ATXN7L1: variants seen among roughly 807,000 people sequenced by gnomAD.
ATXN7L1 encodes the protein ataxin-7-like protein 1.
A neutral mutation model predicts 70.8 loss-of-function variants in ATXN7L1; 15 were observed. That is an observed-to-expected ratio of 0.21 (90% confidence interval 0.14 to 0.33). The LOEUF is 0.33. Among genes scored for constraint, ATXN7L1 ranks in the 10% least tolerant of loss-of-function variants. The pLI is 1.00. For synonymous variants in ATXN7L1, 440 were observed against 445.1 expected (o/e 0.99, Z 0.14); for missense variants, 975 against 1,097.1 (o/e 0.89, Z 1.57).
chr7:105,828,783 A>G (rs1030099376), intron 2 of ATXN7L1, among the ~76,000 whole-genome samples: 1 of 152,158 alleles, frequency 6.6e-6, no homozygotes, highest in African/African-American at 2.4e-5. Context: ...CTGGTGGGAG[A>G]AAAAGTACAG....
At chr7:105,833,358 G>A (rs1370656570) in intron 2 of ATXN7L1, among the ~76,000 whole-genome samples, 1 of 152,122 alleles carries the variant, frequency 6.6e-6, no homozygotes, top group Non-Finnish European at 1.5e-5. Context: ...GAATTCTGCA[G>A]TCCTGTTAAC....
At chr7:105,630,339 A>G (rs944319054) in intron 7 of ATXN7L1, among the ~76,000 whole-genome samples, 1 of 152,256 alleles carries the variant, frequency 6.6e-6, no homozygotes, top group Non-Finnish European at 1.5e-5. Context: ...TGAGATCAGC[A>G]GAAATGTGGT....
chr7:105,617,931 C>T (rs761717890), intron 9 of ATXN7L1: 7 of 456,698 alleles, frequency 1.5e-5, no homozygotes, highest in Non-Finnish European at 2.6e-5. Flanking sequence ...GGTTCGGGCC[C>T]GCCGGGGCCT....
chr7:105,731,682 G>T (rs894111444), intron 3 of ATXN7L1, among the ~76,000 whole-genome samples: 1 of 149,098 alleles, frequency 6.7e-6, no homozygotes, highest in Non-Finnish European at 1.5e-5. Flanking sequence ...TGATCTGCCC[G>T]CCTCCACCTC....
At chr7:105,773,862 G>A (rs1338677564) in intron 3 of ATXN7L1, among the ~76,000 whole-genome samples, 2 of 152,278 alleles carry the variant, frequency 1.3e-5, no homozygotes, top group African/African-American at 2.4e-5. Context: ...GACAAGTGAG[G>A]GTCGGGGAGA....
At chr7:105,683,074 T>A (rs961581642) in intron 3 of ATXN7L1, among the ~76,000 whole-genome samples, 4 of 152,226 alleles carry the variant, frequency 2.6e-5, no homozygotes, top group Non-Finnish European at 5.9e-5. Context: ...AGGTAATTTT[T>A]AAGTTAAAGT....
intron 2 of ATXN7L1, among the ~76,000 whole-genome samples, chr7:105,830,093 A>C (rs779492496): frequency 6.6e-6 from 1 of 152,192 alleles, no homozygotes; most frequent in Non-Finnish European, 1.5e-5. Context: ...GATGAGGACA[A>C]GAAGGCCCTG....
chr7:105,799,222 GGAC>G (rs1806441611), intron 2 of ATXN7L1, among the ~76,000 whole-genome samples: 2 of 152,154 alleles, frequency 1.3e-5, no homozygotes, highest in Non-Finnish European at 2.9e-5. Context: ...TTTGCCAGTG[GGAC>G]TGCATCGCAG....
In ATXN7L1 at chr7:105,614,333, C is replaced by A; in HGVS notation, c.2001G>T (p.Ser667=). Residue 667 remains serine, a synonymous_variant, in exon 10 of 12, where the codon TCG becomes TCT. Transcript: ENST00000419735. The surrounding 1 kb of genome is among the most constrained non-coding windows in gnomAD (Gnocchi z 4.3). ...SSSSSLQTSL[S]SPLSGPHKKN... is the part of the protein sequence containing the mutation. ...TTTTGTGAGGCCCTGACAGTGGAGA[C>A]GAGAGGGATGTCTGCAAGGAAGAGG... 6.4e-7 allele frequency: 1 copy of A among 1,552,124 alleles called. No homozygotes were observed. The highest frequency in any genetic ancestry group is 8.7e-7 in the Non-Finnish European group (1 of 1,147,120).
intron 3 of ATXN7L1, among the ~76,000 whole-genome samples, chr7:105,712,455 C>G (rs753620819): frequency 3.3e-5 from 5 of 152,198 alleles, no homozygotes; most frequent in Non-Finnish European, 7.3e-5. Context: ...AATACAAGTT[C>G]CAGTTTCAGA....
intron 3 of ATXN7L1, among the ~76,000 whole-genome samples, chr7:105,772,225 C>A (rs1257052301): frequency 6.6e-6 from 1 of 151,974 alleles, no homozygotes; most frequent in Non-Finnish European, 1.5e-5. Flanking sequence ...AGGCACATGC[C>A]ACCACACCTG....
intron 3 of ATXN7L1, among the ~76,000 whole-genome samples, chr7:105,676,589 C>T (rs1053171004): frequency 1.8e-4 from 27 of 152,118 alleles, no homozygotes; most frequent in African/African-American, 5.6e-4. Flanking sequence ...CCTGTAATCC[C>T]GGCACTTTGG....
At chr7:105,831,000 G>A (rs1811525150) in intron 2 of ATXN7L1, among the ~76,000 whole-genome samples, 1 of 152,222 alleles carries the variant, frequency 6.6e-6, no homozygotes, top group South Asian at 2.1e-4. Context: ...CATTCTGGGG[G>A]CATCTGCCCC....
At chr7:105,646,401 T>C (rs927411602) in intron 4 of ATXN7L1, among the ~76,000 whole-genome samples, 10 of 152,098 alleles carry the variant, frequency 6.6e-5, no homozygotes, top group Non-Finnish European at 1.5e-4. Flanking sequence ...GTGAGAGGAT[T>C]GCTTGAGGCC....
At chr7:105,790,638 CTATCT>C (rs1369692832) in intron 2 of ATXN7L1, among the ~76,000 whole-genome samples, 23 of 150,866 alleles carry the variant, frequency 1.5e-4, no homozygotes, top group African/African-American at 5.4e-4. Context: ...ATCTATCTAT[CTATCT>C]ATCTATCTAT....
intron 2 of ATXN7L1, among the ~76,000 whole-genome samples, chr7:105,791,811 C>T (rs561362037): frequency 6.6e-6 from 1 of 152,250 alleles, no homozygotes; most frequent in South Asian, 2.1e-4. Context: ...TGCCTGACAT[C>T]CTTTCTGCAA....
intron 2 of ATXN7L1, among the ~76,000 whole-genome samples, chr7:105,827,572 C>A (rs528077876): frequency 2.0e-5 from 3 of 152,150 alleles, no homozygotes; most frequent in Non-Finnish European, 4.4e-5. Context: ...ACATGAAACT[C>A]GCCTGCACAG....
intron 2 of ATXN7L1, among the ~76,000 whole-genome samples, chr7:105,818,397 C>A (rs1809521741): frequency 6.6e-6 from 1 of 152,138 alleles, no homozygotes; most frequent in Non-Finnish European, 1.5e-5. Context: ...CTCATGGGAT[C>A]CTCCCACCTC....
intron 3 of ATXN7L1, among the ~76,000 whole-genome samples, chr7:105,701,863 C>G (rs1792502478): frequency 1.3e-5 from 2 of 152,146 alleles, no homozygotes; most frequent in Admixed American, 6.5e-5. Context: ...AGCCACGGTG[C>G]CCAACTCATT....
Sources: allele counts gnomAD v4.1 joint callset (sites outside exome capture counted in the v4.1 genomes callset), GRCh38; gene constraint gnomAD v4.1.1; non-coding constraint Gnocchi (gnomAD v3.1); transcripts MANE v1.5; gene names NCBI Gene and HGNC (gene_info 2026-07-23, HGNC 2026-07-21).